The following MTHFD1L variants were observed in gnomAD, a reference collection of about 807,000 sequenced individuals.
MTHFD1L encodes methylenetetrahydrofolate dehydrogenase (NADP+ dependent) 1 like.
Under a neutral mutation model 119.5 loss-of-function variants are expected in MTHFD1L, and 81 were observed. The ratio of observed to expected loss-of-function variants is 0.68; its 90% CI spans 0.57 to 0.82. MTHFD1L has a LOEUF of 0.82. Ranked by LOEUF, MTHFD1L falls within the 40% of genes least tolerant of loss-of-function variation. The pLI, the probability that MTHFD1L is intolerant of heterozygous loss-of-function variation, is 0.00. For missense variants in MTHFD1L, 1,125 were observed against 1,253.4 expected (o/e 0.90, Z 1.55); for synonymous variants, 430 against 475.2 (o/e 0.90, Z 1.24).
At chr6:150,984,452 A>G (rs916826760) in intron 20 of MTHFD1L, among the ~76,000 whole-genome samples, 2 of 152,110 alleles carry the variant, frequency 1.3e-5, no homozygotes, top group Non-Finnish European at 2.9e-5. Flanking sequence ...AAGTAACTGA[A>G]GACTTTTAAT....
chr6:151,092,221 G>C (rs186402293), intron 26 of MTHFD1L, among the ~76,000 whole-genome samples: 3 of 152,218 alleles, frequency 2.0e-5, no homozygotes, highest in African/African-American at 4.8e-5. Flanking sequence ...TTTGTAGTTC[G>C]GGTGTGTTAT....
chr6:150,990,436 T>C (rs1014960314), intron 20 of MTHFD1L, among the ~76,000 whole-genome samples: 5 of 151,482 alleles, frequency 3.3e-5, no homozygotes, highest in African/African-American at 1.2e-4. Context: ...AAGATGACAT[T>C]TTATTTTTAT....
chr6:151,075,279 A>G (rs1395943625), intron 26 of MTHFD1L, among the ~76,000 whole-genome samples: 1 of 152,200 alleles, frequency 6.6e-6, no homozygotes, highest in Non-Finnish European at 1.5e-5. Context: ...AAATCTAAAG[A>G]CATAAGTAGG....
intron 20 of MTHFD1L, among the ~76,000 whole-genome samples, chr6:150,984,170 A>G (rs526185): frequency 0.084 from 12,846 of 152,270 alleles, 727 homozygotes; most frequent in Non-Finnish European, 0.12. Flanking sequence ...AATACCTTCA[A>G]TGTACTTACT....
chr6:151,067,814 A>G (rs1791501217), intron 26 of MTHFD1L, among the ~76,000 whole-genome samples: 1 of 152,218 alleles, frequency 6.6e-6, no homozygotes, highest in Admixed American at 6.5e-5. Flanking sequence ...CCAGGAATTG[A>G]AACATGGTGG....
chr6:150,880,403 C>T (rs1188267163), intron 4 of MTHFD1L, among the ~76,000 whole-genome samples: 1 of 152,226 alleles, frequency 6.6e-6, no homozygotes, highest in Admixed American at 6.5e-5. Flanking sequence ...TTATGTCCTC[C>T]AGGTTCATCC....
intron 11 of MTHFD1L, among the ~76,000 whole-genome samples, chr6:150,933,436 A>G (rs1224066186): frequency 6.6e-6 from 1 of 152,030 alleles, no homozygotes; most frequent in Non-Finnish European, 1.5e-5. Flanking sequence ...GAAAACAGAA[A>G]GTTGACTCCA....
chr6:151,056,002 T>A (rs749310649), intron 26 of MTHFD1L: 2 of 152,238 alleles, frequency 1.3e-5, no homozygotes, highest in African/African-American at 2.4e-5. Flanking sequence ...ATTTTCGAAC[T>A]GTTATTTCCT....
chr6:151,096,090 G>A (rs1028762735), intron 27 of MTHFD1L, among the ~76,000 whole-genome samples: 2 of 152,144 alleles, frequency 1.3e-5, no homozygotes, highest in South Asian at 2.1e-4. Flanking sequence ...TTTCAGTCAC[G>A]GGTAAAATGA....
intron 20 of MTHFD1L, among the ~76,000 whole-genome samples, chr6:150,983,945 AT>A (rs1177753717): frequency 6.6e-6 from 1 of 151,746 alleles, no homozygotes; most frequent in Non-Finnish European, 1.5e-5. Flanking sequence ...CAATTGTTCA[AT>A]TTTTTTCTGG....
chr6:151,070,662 AT>A (rs1791856680), intron 26 of MTHFD1L, among the ~76,000 whole-genome samples: 1 of 152,260 alleles, frequency 6.6e-6, no homozygotes, highest in South Asian at 2.1e-4. Context: ...CGTACTCAAT[AT>A]ATAAATGAAT....
chr6:150,963,940 G>C (rs1419264701), intron 18 of MTHFD1L, among the ~76,000 whole-genome samples: 1 of 152,208 alleles, frequency 6.6e-6, no homozygotes, highest in East Asian at 1.9e-4. Flanking sequence ...GGCCGAGGCA[G>C]GCAGATCATG....
At chr6:150,936,974 G>A in intron 12 of MTHFD1L, 34 bp downstream of exon 12, 1 of 1,603,290 alleles carries the variant, frequency 6.2e-7, no homozygotes, top group Non-Finnish European at 8.5e-7. Flanking sequence ...ACTTTTCAGG[G>A]CAAAGTTGGG....
intron 26 of MTHFD1L, among the ~76,000 whole-genome samples, chr6:151,071,459 G>A (rs975259673): frequency 2.0e-5 from 3 of 152,068 alleles, no homozygotes; most frequent in South Asian, 2.1e-4. Context: ...TTGCTCAGAC[G>A]CTTGTCAGAT....
intron 26 of MTHFD1L, among the ~76,000 whole-genome samples, chr6:151,040,083 G>C (rs1173648593): frequency 1.3e-5 from 2 of 152,316 alleles, no homozygotes; most frequent in East Asian, 3.9e-4. Context: ...TGGACCATCA[G>C]GGGAGGTGAG....
chr6:150,966,294 A>G (rs1243778325), intron 19 of MTHFD1L, among the ~76,000 whole-genome samples: 3 of 152,172 alleles, frequency 2.0e-5, no homozygotes, highest in African/African-American at 7.2e-5. Flanking sequence ...GGAAGCAGAC[A>G]AGTCTTCACA....
intron 26 of MTHFD1L, among the ~76,000 whole-genome samples, chr6:151,043,282 T>TTTTTA (rs1787418321): frequency 7.0e-6 from 1 of 142,062 alleles, no homozygotes. Flanking sequence ...TTTTTTTTTT[T>TTTTTA]GAGACAGAGT....
intron 26 of MTHFD1L, among the ~76,000 whole-genome samples, chr6:151,046,469 G>GTATATA (rs1437936861): frequency 5.1e-5 from 6 of 116,864 alleles, no homozygotes; most frequent in African/African-American, 7.0e-5. Context: ...ATATGTGTGT[G>GTATATA]TGTATATATA....
At position 150,910,175 on chromosome 6, in the gene MTHFD1L, C is replaced by T. The variant is rs541524417; in HGVS notation, c.892+4414C>T. Among the ~76,000 whole-genome samples the T allele has an allele frequency of 9.3e-5, 14 of 151,210 alleles. No individual in the cohort carries two copies. The South Asian group carries it at 1.3e-3, about 14-fold the overall frequency. On this transcript the variant is annotated intron_variant, in intron 8 of 27. Coordinates refer to ENST00000367321, the MANE Select transcript of MTHFD1L (RefSeq NM_015440.5). ...CAGCCTGGGCAGCAAGAGCAAAGCTCCATCTCAAAAAATTAAAAAAAAAAT... is the reference window on the plus strand; with the variant it reads ...CAGCCTGGGCAGCAAGAGCAAAGCTTCATCTCAAAAAATTAAAAAAAAAAT...
Sources: allele counts gnomAD v4.1 joint callset (sites outside exome capture counted in the v4.1 genomes callset), GRCh38; gene constraint gnomAD v4.1.1; transcripts MANE v1.5; gene names NCBI Gene and HGNC (gene_info 2026-07-23, HGNC 2026-07-21).